The following RNF38 variants were observed in gnomAD, a reference collection of about 807,000 sequenced individuals.
The protein encoded by RNF38 is ring finger protein 38, also known as E3 ubiquitin-protein ligase RNF38.
In RNF38, 15 loss-of-function variants were observed where a neutral mutation model predicts 67.2. The observed-to-expected ratio is 0.22, with a 90% CI of 0.15 to 0.34. The LOEUF is 0.34. Ranked by LOEUF, RNF38 falls within the 10% of genes least tolerant of loss-of-function variation. RNF38 has a pLI of 1.00. For synonymous variants in RNF38, 220 were observed against 218.8 expected (o/e 1.01, Z -0.05); for missense variants, 524 against 639.9 (o/e 0.82, Z 1.95).
chr9:36,474,908 G>A (rs1254514916), intron 1 of RNF38, among the ~76,000 whole-genome samples: 1 of 147,632 alleles, frequency 6.8e-6, no homozygotes. Context: ...TTGGGAGGCC[G>A]AGGCAGGCGG....
At chr9:36,456,741 T>C (rs1398926630) in intron 1 of RNF38, among the ~76,000 whole-genome samples, 5 of 152,078 alleles carry the variant, frequency 3.3e-5, no homozygotes, top group African/African-American at 1.2e-4. Context: ...ACCCGTTATC[T>C]CCCTGAATCC....
intron 1 of RNF38, among the ~76,000 whole-genome samples, chr9:36,434,471 G>A (rs532218129): frequency 9.2e-5 from 14 of 152,216 alleles, no homozygotes; most frequent in African/African-American, 3.4e-4. Context: ...CACAACCTCC[G>A]CCTCCCGGGT....
intron 1 of RNF38, among the ~76,000 whole-genome samples, chr9:36,460,901 A>AG (rs1564071611): frequency 2.7e-5 from 4 of 148,958 alleles, no homozygotes; most frequent in Admixed American, 6.7e-5. Flanking sequence ...AAAAAAAAAA[A>AG]AAAAAGAAAG....
chr9:36,376,422 T>G (rs1029420227), intron 2 of RNF38, among the ~76,000 whole-genome samples: 7 of 152,100 alleles, frequency 4.6e-5, no homozygotes, highest in African/African-American at 1.7e-4. Context: ...ATAATAAAAC[T>G]TTCGTGTAGT....
intron 1 of RNF38, among the ~76,000 whole-genome samples, chr9:36,457,429 T>C (rs1215571956): frequency 1.3e-5 from 2 of 152,222 alleles, no homozygotes; most frequent in Admixed American, 1.3e-4. Context: ...CATGCATCTA[T>C]CCCTCCAACT....
intron 1 of RNF38, among the ~76,000 whole-genome samples, chr9:36,441,977 T>TAGG (rs1839201558): frequency 6.6e-6 from 1 of 152,230 alleles, no homozygotes; most frequent in Non-Finnish European, 1.5e-5. Context: ...ATTAGCCTAC[T>TAGG]CTTAGACACT....
chr9:36,470,767 C>T (rs780453335), intron 1 of RNF38, among the ~76,000 whole-genome samples: 2 of 152,202 alleles, frequency 1.3e-5, no homozygotes, highest in East Asian at 3.9e-4. Context: ...CAACATCTAG[C>T]CCCCACTTCC....
Position 36,337,582 on chromosome 9 carries a change from G to C in RNF38, c.*2170C>G, listed in dbSNP as rs1832542646. ...TACTGAGTGTCGTAGTGTTAGATCT[G>C]TACAGATATAAATTTTTTGCAGCTA... On this transcript the variant is annotated 3_prime_UTR_variant, in exon 12 of 12. Transcript: ENST00000259605. The C allele has an allele frequency of 6.6e-6, 1 of 152,568 alleles. No individual in the cohort carries two copies. The highest frequency in any genetic ancestry group is 6.5e-5 in the Admixed American group (1 of 15,284). The allele number at this position is 152,568 out of a possible 1,614,324, so 9.5% of individuals were successfully genotyped here. A position where few individuals can be genotyped will look rare whatever the true frequency, so the allele number is the denominator to read the frequency against.
At chr9:36,423,144 T>C (rs181523917) in intron 2 of RNF38, among the ~76,000 whole-genome samples, 16 of 152,340 alleles carry the variant, frequency 1.1e-4, no homozygotes, top group Non-Finnish European at 1.8e-4. Context: ...AAATCTGTAG[T>C]ATACAAAATT....
At chr9:36,406,066 C>T (rs753110339), upstream of RNF38, among the ~76,000 whole-genome samples, 1 of 152,190 alleles carries the variant, frequency 6.6e-6, no homozygotes, top group Non-Finnish European at 1.5e-5. Context: ...CACCTTACAG[C>T]GTTTATCAAA....
chr9:36,473,209 C>T (rs1840038181), intron 1 of RNF38, among the ~76,000 whole-genome samples: 1 of 151,396 alleles, frequency 6.6e-6, no homozygotes, highest in African/African-American at 2.5e-5. Flanking sequence ...GCCTATAGTT[C>T]CAGCTACTCA....
At position 36,336,889 on chromosome 9, in the gene RNF38, TCA is replaced by T. The variant is rs1385330211; in HGVS notation, c.*2861_*2862del. 6.6e-6 allele frequency: 1 copy of T among 152,188 alleles called. No individual in the cohort carries two copies. Among genetic ancestry groups the T allele is most frequent in the Non-Finnish European group, 1.5e-5 (1 of 68,024 alleles). 9.4% of individuals were successfully genotyped at this position (152,188 alleles called of 1,614,324 possible). A position where few individuals can be genotyped will look rare whatever the true frequency, so the allele number is the denominator to read the frequency against. On this transcript the variant is annotated 3_prime_UTR_variant, in exon 12 of 12. Transcript: ENST00000259605. ...TAGTATATAAAATCTAAATATGCTT[TCA>T]CATTTTCCAGATTTTGCTCAAAAAA...
At chr9:36,420,531 C>CAAAAAAAAAAAAAAAAAAAAAA (rs1447823341) in intron 2 of RNF38, among the ~76,000 whole-genome samples, 2 of 28,974 alleles carry the variant, frequency 6.9e-5, no homozygotes, top group African/African-American at 2.0e-4. Flanking sequence ...GACTCTGTCT[C>CAAAAAAAAAAAAAAAAAAAAAA]CAAAAAAAAA....
chr9:36,407,397 G>A (rs932272453), intron 2 of RNF38, among the ~76,000 whole-genome samples: 5 of 152,216 alleles, frequency 3.3e-5, no homozygotes, highest in African/African-American at 1.2e-4. Flanking sequence ...CAAGCTCATG[G>A]TAGTGAAGGT....
chr9:36,361,108 C>T (rs954311672), intron 4 of RNF38, among the ~76,000 whole-genome samples: 28 of 151,992 alleles, frequency 1.8e-4, no homozygotes, highest in Non-Finnish European at 1.0e-4. Flanking sequence ...TGAACCACCG[C>T]GCTTGGCCAA....
intron 1 of RNF38, among the ~76,000 whole-genome samples, chr9:36,473,164 A>G (rs1564076357): frequency 6.6e-6 from 1 of 151,942 alleles, no homozygotes; most frequent in African/African-American, 2.4e-5. Context: ...AAATAAAAAA[A>G]TAAAGAGAAT....
At chr9:36,356,279 T>C (rs749853569) in intron 6 of RNF38, 24 bp downstream of exon 6, 3 of 1,611,520 alleles carry the variant, frequency 1.9e-6, no homozygotes, top group Non-Finnish European at 2.5e-6. Flanking sequence ...CTAAACATTC[T>C]GACATAATAG....
At chr9:36,430,847 A>T (rs1054136548) in intron 1 of RNF38, among the ~76,000 whole-genome samples, 16 of 144,480 alleles carry the variant, frequency 1.1e-4, no homozygotes, top group Admixed American at 2.8e-4. Context: ...AATGAGGATT[A>T]AAAAAAAAAA....
intron 1 of RNF38, among the ~76,000 whole-genome samples, chr9:36,456,734 C>A (rs1349605986): frequency 1.3e-5 from 2 of 152,028 alleles, no homozygotes; most frequent in African/African-American, 4.8e-5. Flanking sequence ...CACAAATACC[C>A]GTTATCTCCC....
Sources: gnomAD v4.1 joint callset for allele counts (sites outside exome capture counted in the v4.1 genomes callset) on GRCh38, gnomAD v4.1.1 for gene constraint, MANE v1.5 for transcripts, NCBI Gene and HGNC (gene_info 2026-07-23, HGNC 2026-07-21) for gene names.